TTPAL: variants seen among roughly 807,000 people sequenced by gnomAD.
TTPAL encodes alpha-tocopherol transfer protein-like.
In TTPAL, 21 loss-of-function variants were observed where a neutral mutation model predicts 28.7. The ratio of observed to expected loss-of-function variants is 0.73; its 90% CI spans 0.52 to 1.06. The LOEUF is 1.06. Ranked by LOEUF, TTPAL falls within the 50% of genes least tolerant of loss-of-function variation. The probability of loss-of-function intolerance (pLI) is 0.00; values close to 1 mark genes in which losing one functional copy is unlikely to be tolerated. For missense variants in TTPAL, 345 were observed against 425.5 expected (o/e 0.81, Z 1.67); for synonymous variants, 169 against 171.9 (o/e 0.98, Z 0.13).
In TTPAL at chr20:44,479,971, TTC is replaced by T; in HGVS notation, c.-15-10_-15-9del. The T allele has an allele frequency of 1.9e-6, 3 of 1,602,022 alleles. No homozygotes were observed. Among genetic ancestry groups the T allele is most frequent in the Non-Finnish European group, 2.6e-6 (3 of 1,172,844 alleles). On this transcript the variant is annotated splice_polypyrimidine_tract_variant and intron_variant, in intron 1 of 4. Transcript: ENST00000262605. ...AGCACTTGTTAACTTTGCTTAGGGC[TTC>T]TCTGTTGGCAGGGACCTTGGTAGCT...
In TTPAL at chr20:44,492,345, T is replaced by A. The variant is rs2064214512; in HGVS notation, c.*2804T>A. 1 of 152,364 alleles carries A rather than the reference T, an allele frequency of 6.6e-6. No homozygotes were observed. The highest frequency in any genetic ancestry group is 6.5e-5 in the Admixed American group (1 of 15,270). 9.4% of individuals were successfully genotyped at this position (152,364 alleles called of 1,614,324 possible). On this transcript the variant is annotated 3_prime_UTR_variant, in exon 5 of 5. Coordinates refer to ENST00000262605, the MANE Select transcript of TTPAL (RefSeq NM_001039199.3). The stretch of plus-strand genomic sequence containing the variant: ...CCTTCAGGGAGAAGTTCTGGCCCAT[T>A]GCACAAACACTTGGAAATTAACTTT...
chr20:44,489,935 G>A lies in TTPAL; in HGVS notation c.*394G>A. 2 of 201,168 alleles carry A rather than the reference G, an allele frequency of 9.9e-6. No homozygotes were observed. Among genetic ancestry groups the A allele is most frequent in the Non-Finnish European group, 1.0e-5 (1 of 97,000 alleles). The allele number at this position is 201,168 out of a possible 1,614,324, so 12.5% of individuals were successfully genotyped here. ...GAAAAACCACCTGTTTGGCCAGTGA[G>A]AACTACTTGTATGAAATAATTTGGC... On this transcript the variant is annotated 3_prime_UTR_variant, in exon 5 of 5. Transcript: ENST00000262605.
intron 1 of TTPAL, among the ~76,000 whole-genome samples, chr20:44,478,822 T>C (rs1237631519): frequency 6.6e-6 from 1 of 152,250 alleles, no homozygotes; most frequent in East Asian, 1.9e-4. Context: ...GAGGGAGTCT[T>C]GCTCTGTCAC....
At position 44,486,507 on chromosome 20, in the gene TTPAL, T is replaced by G. The variant is rs1422312608; in HGVS notation, c.640-89T>G. On this transcript the variant is annotated intron_variant, in intron 3 of 4. Coordinates refer to ENST00000262605, the MANE Select transcript of TTPAL (RefSeq NM_001039199.3). The stretch of plus-strand genomic sequence containing the variant: ...CCATAAGGATCAGATCAGACTGATG[T>G]TGGGGCTGAAAGTGAAGATTTAACT... The G allele has an allele frequency of 4.5e-5, 36 of 803,384 alleles. 1 individual carries two copies. The Admixed American group carries it at 7.1e-4, about 16-fold the overall frequency. 49.8% of individuals were successfully genotyped at this position (803,384 alleles called of 1,614,324 possible). A position where few individuals can be genotyped will look rare whatever the true frequency, so the allele number is the denominator to read the frequency against.
chr20:44,486,436 G>A, intron 3 of TTPAL, 160 bp from the exon 4 acceptor site: 1 of 527,718 alleles, frequency 1.9e-6, no homozygotes, highest in Non-Finnish European at 3.4e-6. Context: ...CTTTCCCTGA[G>A]GTCCGTCTTC....
rs984628120 is a variant in TTPAL at position 44,492,844 on chromosome 20, A to C, written c.*3303A>C. ...CTTGAATTTCTAACTTGCTCTTGGCAAAGGTCGCTTTATTTTTTAATTTTT... is the reference window on the plus strand; with the variant it reads ...CTTGAATTTCTAACTTGCTCTTGGCCAAGGTCGCTTTATTTTTTAATTTTT... On this transcript the variant is annotated 3_prime_UTR_variant, in exon 5 of 5. Transcript: ENST00000262605. 1 of 152,342 alleles carries C rather than the reference A, an allele frequency of 6.6e-6. No individual in the cohort carries two copies. The highest frequency in any genetic ancestry group is 2.4e-5 in the African/African-American group (1 of 41,466). 9.4% of individuals were successfully genotyped at this position (152,342 alleles called of 1,614,324 possible).
In TTPAL at chr20:44,493,356, G is replaced by C. The variant is rs979670181; in HGVS notation, c.*3815G>C. The stretch of plus-strand genomic sequence containing the variant: ...ATAAGACAATAAGAGGCTTTTCTCT[G>C]AATTCCTTTATATTGAGCCTTTCAG... On this transcript the variant is annotated 3_prime_UTR_variant, in exon 5 of 5. Transcript: ENST00000262605. The C allele has an allele frequency of 1.3e-5, 2 of 152,300 alleles. No individual in the cohort carries two copies. Among genetic ancestry groups the C allele is most frequent in the African/African-American group, 4.8e-5 (2 of 41,450 alleles). The allele number at this position is 152,300 out of a possible 1,614,324, so 9.4% of individuals were successfully genotyped here.
chr20:44,487,623 A>G lies in TTPAL; in HGVS notation c.750+917A>G, dbSNP rs537770232. On this transcript the variant is annotated intron_variant, in intron 4 of 4. Transcript: ENST00000262605. ...TTACCTCTTATTTAAGAAGGGATAA[A>G]TAGCACTTTGTCTTCCTTTCTGACC... Among the ~76,000 whole-genome samples, 19 of 152,322 alleles carry G rather than the reference A, an allele frequency of 1.2e-4. No homozygotes were observed. In the South Asian group the frequency reaches 3.7e-3, roughly 30 times the overall value.
rs1435935113 is a variant in TTPAL, at chr20:44,494,386, T to C, written c.*4845T>C. The C allele has an allele frequency of 6.5e-6, 1 of 152,724 alleles. No homozygotes were observed. The highest frequency in any genetic ancestry group is 2.4e-5 in the African/African-American group (1 of 41,442). The allele number at this position is 152,724 out of a possible 1,614,324, so 9.5% of individuals were successfully genotyped here. ...AGGTGAGCTAATTCTCTGACCAGCT[T>C]GGGGCACTGTTTCAGCCACTGGTCA... On this transcript the variant is annotated 3_prime_UTR_variant, in exon 5 of 5. Transcript: ENST00000262605.
chr20:44,480,531 T>A lies in TTPAL; in HGVS notation c.445+87T>A. On this transcript the variant is annotated intron_variant, in intron 2 of 4. Coordinates refer to ENST00000262605, the MANE Select transcript of TTPAL (RefSeq NM_001039199.3). This position sits in a 1 kb window ranked among gnomAD's most constrained non-coding sequence, Gnocchi z 4.1. ...CACCCTGTCCTCCTTTCCAAGTCCC[T>A]TTTTTACCCCTCCTTTGTTATAGTC... is the stretch of plus-strand genomic sequence containing the variant. The A allele has an allele frequency of 7.8e-7, 1 of 1,281,922 alleles. No homozygotes were observed. Among genetic ancestry groups the A allele is most frequent in the African/African-American group, 1.5e-5 (1 of 67,316 alleles). 79.4% of individuals were successfully genotyped at this position (1,281,922 alleles called of 1,614,324 possible).
chr20:44,491,506 C>A lies in TTPAL; in HGVS notation c.*1965C>A, dbSNP rs2064205967. ...TTACTAAGCTGTTTATCTCTATTGC[C>A]TTTTTAAATGTCTGGATAAGTTGTT... is the stretch of plus-strand genomic sequence containing the variant. On this transcript the variant is annotated 3_prime_UTR_variant, in exon 5 of 5. Coordinates refer to ENST00000262605, the MANE Select transcript of TTPAL (RefSeq NM_001039199.3). 1 of 152,256 alleles carries A rather than the reference C, an allele frequency of 6.6e-6. No homozygotes were observed. The highest frequency in any genetic ancestry group is 1.5e-5 in the Non-Finnish European group (1 of 68,018). 9.4% of individuals were successfully genotyped at this position (152,256 alleles called of 1,614,324 possible).
At position 44,488,027 on chromosome 20, in the gene TTPAL, C is replaced by T. The variant is rs184306537; in HGVS notation, c.751-1236C>T. Among the ~76,000 whole-genome samples, 70 of 152,296 alleles carry T rather than the reference C, an allele frequency of 4.6e-4. No individual in the cohort carries two copies. In the East Asian group the frequency reaches 0.013, roughly 28 times the overall value. On this transcript the variant is annotated intron_variant, in intron 4 of 4. Coordinates refer to ENST00000262605, the MANE Select transcript of TTPAL (RefSeq NM_001039199.3). ...CAGGTGATCCACCCGCCTTGGCCTC[C>T]GAAAGTGCTGGGATTACAGGCGTGA...
At chr20:44,476,268 G>A (rs553639927) in intron 1 of TTPAL, among the ~76,000 whole-genome samples, 3 of 152,186 alleles carry the variant, frequency 2.0e-5, no homozygotes, top group Admixed American at 6.5e-5. Context: ...CTCCAGGTGG[G>A]GGAGATCTTT....
In TTPAL at chr20:44,489,658, G is replaced by A. The variant is rs138577741; in HGVS notation, c.*117G>A. Reference sequence around the variant, plus strand: ...CTCCTTGTAATTAAACTGCAGGATGGAGGAACAGCCTGAGATATGAGCATG... The same window carrying A: ...CTCCTTGTAATTAAACTGCAGGATGAAGGAACAGCCTGAGATATGAGCATG... On this transcript the variant is annotated 3_prime_UTR_variant, in exon 5 of 5. Transcript: ENST00000262605. The A allele has an allele frequency of 1.3e-4, 147 of 1,172,442 alleles. 1 individual carries two copies. The East Asian group carries it at 3.5e-3, about 28-fold the overall frequency. The allele number at this position is 1,172,442 out of a possible 1,614,324, so 72.6% of individuals were successfully genotyped here.
chr20:44,486,571 A>C, intron 3 of TTPAL, 25 bp from the exon 4 acceptor site: 1 of 1,418,012 alleles, frequency 7.1e-7, no homozygotes. Flanking sequence ...CAGATGTTCT[A>C]AACCCCTTTG....
At position 44,480,877 on chromosome 20, in the gene TTPAL, C is replaced by T. The variant is rs2064098211; in HGVS notation, c.445+433C>T. On this transcript the variant is annotated intron_variant, in intron 2 of 4. Transcript: ENST00000262605. This position sits in a 1 kb window ranked among gnomAD's most constrained non-coding sequence, Gnocchi z 4.1. Reference sequence around the variant, plus strand: ...GGCACCCTCTCAGCTCTCAGGTTTGCCTGACCACCAAATTAAGTTCCTCAA... The same window carrying T: ...GGCACCCTCTCAGCTCTCAGGTTTGTCTGACCACCAAATTAAGTTCCTCAA... Among the ~76,000 whole-genome samples the T allele has an allele frequency of 2.6e-5, 4 of 152,190 alleles. No homozygotes were observed. Among genetic ancestry groups the T allele is most frequent in the African/African-American group, 9.6e-5 (4 of 41,454 alleles).
At chr20:44,484,631 C>A (rs1165378293) in intron 3 of TTPAL, 101 bp downstream of exon 3, 4 of 813,912 alleles carry the variant, frequency 4.9e-6, no homozygotes, top group Non-Finnish European at 7.6e-6. Flanking sequence ...ACTGCACATC[C>A]CACACCTGCA....
chr20:44,481,655 C>T (rs1229617825), intron 2 of TTPAL, among the ~76,000 whole-genome samples: 4 of 152,126 alleles, frequency 2.6e-5, no homozygotes, highest in South Asian at 2.1e-4. Flanking sequence ...ATATAAACGC[C>T]CTCTTGAAGG....
At chr20:44,481,084 C>G (rs6031621) in intron 2 of TTPAL, among the ~76,000 whole-genome samples, 16 of 152,340 alleles carry the variant, frequency 1.1e-4, no homozygotes, top group African/African-American at 3.8e-4. Context: ...TCCTCTGTGC[C>G]TCCTCCAACC....
Sources: allele counts gnomAD v4.1 joint callset (sites outside exome capture counted in the v4.1 genomes callset), GRCh38; gene constraint gnomAD v4.1.1; non-coding constraint Gnocchi (gnomAD v3.1); transcripts MANE v1.5; gene names NCBI Gene and HGNC (gene_info 2026-07-23, HGNC 2026-07-21).